PCP4L1: variants seen among roughly 807,000 people sequenced by gnomAD.
PCP4L1 encodes the protein Purkinje cell protein 4 like 1.
In PCP4L1, 9 loss-of-function variants were observed where a neutral mutation model predicts 9.6. The ratio of observed to expected loss-of-function variants is 0.94; its 90% CI spans 0.57 to 1.64. The LOEUF (loss-of-function observed/expected upper bound fraction) is 1.64, where lower values mean the gene tolerates loss of function less well. Ranked by LOEUF, PCP4L1 falls within the 40% of genes most tolerant of loss-of-function variation. The pLI is 0.00. For synonymous variants in PCP4L1, 31 were observed against 28.2 expected (o/e 1.10, Z -0.31); for missense variants, 81 against 80.8 (o/e 1.00, Z -0.01).
At position 161,274,949 on chromosome 1, in the gene PCP4L1, G is replaced by A. The variant is rs143705135; in HGVS notation, c.10-8719G>A. ...GCATCCTTTGCTGGTTTCCCAAGTG[G>A]AGACCCCACTTTTAGATTATTATCT... On this transcript the variant is annotated intron_variant, in intron 1 of 2. Coordinates refer to ENST00000504449, the MANE Select transcript of PCP4L1 (RefSeq NM_001102566.2). Among the ~76,000 whole-genome samples the A allele has an allele frequency of 1.5e-4, 23 of 152,216 alleles. No homozygotes were observed. In the East Asian group the frequency reaches 2.9e-3, roughly 19 times the overall value.
At chr1:161,278,520 C>T (rs1433383245) in intron 1 of PCP4L1, among the ~76,000 whole-genome samples, 1 of 151,918 alleles carries the variant, frequency 6.6e-6, no homozygotes, top group African/African-American at 2.4e-5. Flanking sequence ...CCTCCCATGT[C>T]AGCCTCCCAA....
At chr1:161,263,035 G>A (rs557785740) in intron 1 of PCP4L1, among the ~76,000 whole-genome samples, 27 of 152,252 alleles carry the variant, frequency 1.8e-4, no homozygotes, top group African/African-American at 6.5e-4. Context: ...TTTTAGATTT[G>A]TTAAGGAACG....
At chr1:161,282,091 G>C (rs1047900354) in intron 1 of PCP4L1, among the ~76,000 whole-genome samples, 2 of 152,160 alleles carry the variant, frequency 1.3e-5, no homozygotes, top group African/African-American at 4.8e-5. Flanking sequence ...CTCCAGCCGG[G>C]GCACCATTGA....
chr1:161,283,579 T>C, intron 1 of PCP4L1, 89 bp from the exon 2 acceptor site: 1 of 1,225,710 alleles, frequency 8.2e-7, no homozygotes, highest in Non-Finnish European at 1.2e-6. Context: ...GTAATAGGGT[T>C]TGAGAGTATA....
rs1287723838 is a variant in PCP4L1 at position 161,274,928 on chromosome 1, C to G, written c.10-8740C>G. Among the ~76,000 whole-genome samples the G allele has an allele frequency of 2.0e-5, 3 of 152,172 alleles. No individual in the cohort carries two copies. The East Asian group carries it at 5.8e-4, about 29-fold the overall frequency. ...AGGAGTTTTCTTCTCCTTGCAGCAT[C>G]CTTTGCTGGTTTCCCAAGTGGAGAC... is the stretch of plus-strand genomic sequence containing the variant. On this transcript the variant is annotated intron_variant, in intron 1 of 2. Coordinates refer to ENST00000504449, the MANE Select transcript of PCP4L1 (RefSeq NM_001102566.2).
chr1:161,267,777 A>T lies in PCP4L1; in HGVS notation c.9+8794A>T, dbSNP rs141519155. Among the ~76,000 whole-genome samples the T allele has an allele frequency of 3.0e-4, 46 of 152,150 alleles. No homozygotes were observed. In the East Asian group the frequency reaches 7.3e-3, roughly 24 times the overall value. The stretch of plus-strand genomic sequence containing the variant: ...GGCTGGAGTGGAGTGCAGTGGTGCG[A>T]TGTTGGCTCACCGTGACCTCTGCCT... On this transcript the variant is annotated intron_variant, in intron 1 of 2. Coordinates refer to ENST00000504449, the MANE Select transcript of PCP4L1 (RefSeq NM_001102566.2).
Position 161,283,683 on chromosome 1 carries a change from TC to T in PCP4L1, c.29del (p.Pro10GlnfsTer31). 1 of 1,603,376 alleles carries T rather than the reference TC, an allele frequency of 6.2e-7. No homozygotes were observed. Among genetic ancestry groups the T allele is most frequent in the Admixed American group, 1.7e-5 (1 of 58,404 alleles). ...TTTTTTCCAGCTTAATACCAAAACA[TC>T]CCCAGCAACCAACCAGGCAGCTGGC... Reference protein sequence around the residue: MSELNTKTSPATNQAAGQE... With the variant: MSELNTKTXPATNQAAGQE... On this transcript the variant is annotated frameshift_variant, in exon 2 of 3. Transcript: ENST00000504449. LOFTEE classifies it high-confidence loss of function.
intron 1 of PCP4L1, among the ~76,000 whole-genome samples, chr1:161,269,866 G>T (rs1451349984): frequency 6.6e-6 from 1 of 152,124 alleles, no homozygotes; most frequent in East Asian, 1.9e-4. Context: ...GGGTGTAGTG[G>T]TGTGTGGCTG....
rs1297761414 is a variant in PCP4L1, at chr1:161,258,820, C to T, written c.-155C>T. The T allele has an allele frequency of 8.4e-7, 1 of 1,196,754 alleles. No homozygotes were observed. The allele number at this position is 1,196,754 out of a possible 1,614,324, so 74.1% of individuals were successfully genotyped here. A position where few individuals can be genotyped will look rare whatever the true frequency, so the allele number is the denominator to read the frequency against. On this transcript the variant is annotated 5_prime_UTR_variant, in exon 1 of 3. Transcript: ENST00000504449. Reference sequence around the variant, plus strand: ...CTCCGAGAATCCCGGGTGCCAGCACCAGAGCAGCGGCTCTCCGCACTAACT... The same window carrying T: ...CTCCGAGAATCCCGGGTGCCAGCACTAGAGCAGCGGCTCTCCGCACTAACT...
Position 161,258,757 on chromosome 1 carries a change from C to T in PCP4L1, c.-218C>T, listed in dbSNP as rs1406066804. ...GAGGCGGCGAGCTGAGCGGCTCTGACAGGACGGGTCGCAGGGGGTCGCCTG... is the reference window on the plus strand; with the variant it reads ...GAGGCGGCGAGCTGAGCGGCTCTGATAGGACGGGTCGCAGGGGGTCGCCTG... On this transcript the variant is annotated 5_prime_UTR_variant, in exon 1 of 3. Coordinates refer to ENST00000504449, the MANE Select transcript of PCP4L1 (RefSeq NM_001102566.2). 5 of 693,964 alleles carry T rather than the reference C, an allele frequency of 7.2e-6. No individual in the cohort carries two copies. The East Asian group carries it at 8.5e-5, about 12-fold the overall frequency. 43.0% of individuals were successfully genotyped at this position (693,964 alleles called of 1,614,324 possible).
In PCP4L1 at chr1:161,268,566, T is replaced by C. The variant is rs535545596; in HGVS notation, c.9+9583T>C. Among the ~76,000 whole-genome samples the C allele has an allele frequency of 2.0e-5, 3 of 149,200 alleles. No homozygotes were observed. In the East Asian group the frequency reaches 5.8e-4, roughly 29 times the overall value. The stretch of plus-strand genomic sequence containing the variant: ...TTCCTTTTACCTTTTTTTTTTTTTT[T>C]TTTTGAGATGGAGTCTCGCTCTTGT... On this transcript the variant is annotated intron_variant, in intron 1 of 2. Coordinates refer to ENST00000504449, the MANE Select transcript of PCP4L1 (RefSeq NM_001102566.2).
At chr1:161,277,290 C>A (rs1669715331) in intron 1 of PCP4L1, among the ~76,000 whole-genome samples, 1 of 152,172 alleles carries the variant, frequency 6.6e-6, no homozygotes, top group African/African-American at 2.4e-5. Flanking sequence ...AACATATTAG[C>A]ATATTTGTGT....
intron 1 of PCP4L1, among the ~76,000 whole-genome samples, chr1:161,276,337 T>C (rs1669697526): frequency 2.0e-5 from 3 of 152,166 alleles, no homozygotes. Flanking sequence ...AAGCAGGAAT[T>C]CCATAGGGTT....
intron 1 of PCP4L1, among the ~76,000 whole-genome samples, chr1:161,282,213 T>C (rs1458725192): frequency 2.1e-5 from 3 of 141,496 alleles, no homozygotes; most frequent in Non-Finnish European, 3.1e-5. Context: ...AGCGAAACCC[T>C]GTCTCCACCA....
chr1:161,283,894 AT>A (rs66526557), intron 2 of PCP4L1, among the ~76,000 whole-genome samples, 172 bp downstream of exon 2: 46,310 of 152,030 alleles, frequency 0.3, 7,633 homozygotes, highest in East Asian at 0.64. Context: ...GCTTCCTTCT[AT>A]TTTTCCTAGA....
At chr1:161,262,034 G>A (rs868400583) in intron 1 of PCP4L1, among the ~76,000 whole-genome samples, 22 of 152,362 alleles carry the variant, frequency 1.4e-4, no homozygotes, top group African/African-American at 5.1e-4. Context: ...GGAACCTGGT[G>A]TGGACTTGGA....
intron 1 of PCP4L1, among the ~76,000 whole-genome samples, chr1:161,273,750 GA>G (rs1159247046): frequency 5.3e-5 from 8 of 152,348 alleles, no homozygotes; most frequent in Admixed American, 2.0e-4. Flanking sequence ...GCAGAAATCT[GA>G]GTGATAGGCG....
At chr1:161,268,266 A>G (rs1389651392) in intron 1 of PCP4L1, among the ~76,000 whole-genome samples, 2 of 127,992 alleles carry the variant, frequency 1.6e-5, no homozygotes, top group African/African-American at 3.0e-5. Flanking sequence ...TAGAAGGGGA[A>G]AAAAAAAAGT....
intron 1 of PCP4L1, among the ~76,000 whole-genome samples, chr1:161,282,142 C>T (rs7518955): frequency 0.46 from 69,274 of 151,542 alleles, 16,229 homozygotes; most frequent in East Asian, 0.63. Context: ...CCCGGCACCT[C>T]GGGAGGCCGA....
Sources: allele counts gnomAD v4.1 joint callset (sites outside exome capture counted in the v4.1 genomes callset), GRCh38; gene constraint gnomAD v4.1.1; transcripts MANE v1.5; gene names NCBI Gene and HGNC (gene_info 2026-07-23, HGNC 2026-07-21).